Variants in KATNAL1 observed in about 807,000 individuals in gnomAD.
KATNAL1 encodes katanin catalytic subunit A1 like 1, also known as katanin p60 ATPase-containing subunit A-like 1.
KATNAL1 carries 32 observed loss-of-function variants against 55.2 expected under a neutral mutation model. The observed-to-expected ratio is 0.58, with a 90% CI of 0.44 to 0.78. The LOEUF (loss-of-function observed/expected upper bound fraction) is 0.78, where lower values mean the gene tolerates loss of function less well. KATNAL1 is among the 30% of genes least tolerant of loss of function. The pLI, the probability that KATNAL1 is intolerant of heterozygous loss-of-function variation, is 0.00. For synonymous variants in KATNAL1, 193 were observed against 193.6 expected, an observed-to-expected ratio of 1.00 and a Z score of 0.02; for missense variants, 466 against 600.9, an observed-to-expected ratio of 0.78 and a Z score of 2.35.
intron 8 of KATNAL1, among the ~76,000 whole-genome samples, chr13:30,228,238 T>C (rs1458001386): frequency 6.6e-6 from 1 of 152,070 alleles, no homozygotes; most frequent in Non-Finnish European, 1.5e-5. Context: ...AAATAAAAGA[T>C]AAAAAAACCC....
chr13:30,253,448 A>G (rs796973097), intron 4 of KATNAL1, among the ~76,000 whole-genome samples: 12 of 151,996 alleles, frequency 7.9e-5, no homozygotes, highest in African/African-American at 2.4e-4. Context: ...AATTTCCAGG[A>G]AAAAAAATGT....
chr13:30,290,935 G>T (rs927863241), intron 1 of KATNAL1, among the ~76,000 whole-genome samples: 1 of 152,096 alleles, frequency 6.6e-6, no homozygotes, highest in Non-Finnish European at 1.5e-5. Flanking sequence ...AGCAAACTAA[G>T]AATAAAAGGC....
intron 4 of KATNAL1, among the ~76,000 whole-genome samples, chr13:30,254,280 A>G (rs77506595): frequency 0.035 from 5,259 of 152,308 alleles, 102 homozygotes; most frequent in African/African-American, 0.051. Context: ...TTGATAATGG[A>G]GGGAACAAAT....
At chr13:30,256,718 A>C (rs1463937450) in intron 3 of KATNAL1, among the ~76,000 whole-genome samples, 1 of 152,244 alleles carries the variant, frequency 6.6e-6, no homozygotes, top group Non-Finnish European at 1.5e-5. Flanking sequence ...AGAAAAAAAA[A>C]TGTGTTAACA....
chr13:30,305,290 G>A (rs1883109311), intron 1 of KATNAL1, among the ~76,000 whole-genome samples: 1 of 152,134 alleles, frequency 6.6e-6, no homozygotes, highest in Admixed American at 6.5e-5. Context: ...ACTACCTAGC[G>A]TTTCCCAAAT....
intron 4 of KATNAL1, among the ~76,000 whole-genome samples, chr13:30,245,332 G>A (rs1200876603): frequency 2.6e-5 from 4 of 152,014 alleles, no homozygotes; most frequent in Non-Finnish European, 4.4e-5. Flanking sequence ...ATGCAGAAAA[G>A]GCCTTCGATA....
chr13:30,227,357 C>T (rs1875601308), intron 9 of KATNAL1, 55 bp downstream of exon 9: 1 of 1,543,490 alleles, frequency 6.5e-7, no homozygotes, highest in Non-Finnish European at 8.8e-7. Flanking sequence ...GATTTAGATA[C>T]ATGGGAAAGG....
intron 3 of KATNAL1, among the ~76,000 whole-genome samples, chr13:30,267,838 C>A (rs192848680): frequency 6.6e-6 from 1 of 152,240 alleles, no homozygotes; most frequent in Admixed American, 6.5e-5. Flanking sequence ...GTGTTTTGGG[C>A]CTCAGACATC....
chr13:30,208,490 C>A lies in KATNAL1; in HGVS notation c.*50G>T, dbSNP rs1392319746. On this transcript the variant is annotated 3_prime_UTR_variant, in exon 11 of 11. Coordinates refer to ENST00000380615, the MANE Select transcript of KATNAL1 (RefSeq NM_032116.5). ...TGTTTTTTAAAAATTGCAGGAATTT[C>A]TTCGTATTTTATCAACAAAAATACC... 2.1e-6 allele frequency: 3 copies of A among 1,398,734 alleles called. No individual in the cohort carries two copies. Among genetic ancestry groups the A allele is most frequent in the Admixed American group, 5.2e-5 (2 of 38,180 alleles). 86.6% of individuals were successfully genotyped at this position (1,398,734 alleles called of 1,614,324 possible).
chr13:30,255,806 G>A (rs1878735526), intron 3 of KATNAL1, among the ~76,000 whole-genome samples, 191 bp from the exon 4 acceptor site: 1 of 151,740 alleles, frequency 6.6e-6, no homozygotes, highest in Non-Finnish European at 1.5e-5. Flanking sequence ...AAAATATACT[G>A]GCTGATACAA....
chr13:30,274,898 C>CGCGCGTGT (rs1391836715), intron 3 of KATNAL1, among the ~76,000 whole-genome samples: 2 of 99,186 alleles, frequency 2.0e-5, no homozygotes, highest in African/African-American at 7.5e-5. Flanking sequence ...CATACGCGCG[C>CGCGCGTGT]GCGCGCGCGC....
chr13:30,271,505 G>C (rs912968214), intron 3 of KATNAL1, among the ~76,000 whole-genome samples: 8 of 152,104 alleles, frequency 5.3e-5, no homozygotes, highest in South Asian at 2.1e-4. Context: ...CAAGAGGTTG[G>C]GGGGTGCGGG....
chr13:30,299,067 G>T (rs1236312574), intron 1 of KATNAL1, among the ~76,000 whole-genome samples: 1 of 152,156 alleles, frequency 6.6e-6, no homozygotes, highest in African/African-American at 2.4e-5. Flanking sequence ...AAATTATATT[G>T]ACAGCTAACT....
chr13:30,259,531 G>C (rs569256344), intron 3 of KATNAL1, among the ~76,000 whole-genome samples: 1 of 152,328 alleles, frequency 6.6e-6, no homozygotes, highest in Non-Finnish European at 1.5e-5. Context: ...TGCACGAGCC[G>C]AAGCAGGGCA....
At chr13:30,265,117 G>T (rs866699608) in intron 3 of KATNAL1, among the ~76,000 whole-genome samples, 1 of 150,328 alleles carries the variant, frequency 6.7e-6, no homozygotes, top group African/African-American at 2.4e-5. Flanking sequence ...GTAAACTATC[G>T]CAAGAACAAA....
intron 9 of KATNAL1, among the ~76,000 whole-genome samples, chr13:30,227,113 A>ATACT (rs1875567603): frequency 6.6e-6 from 1 of 151,122 alleles, no homozygotes; most frequent in Non-Finnish European, 1.5e-5. Context: ...ACACACACAC[A>ATACT]CTCTCTCTCT....
At chr13:30,259,395 C>T (rs776667195) in intron 3 of KATNAL1, among the ~76,000 whole-genome samples, 16 of 152,084 alleles carry the variant, frequency 1.1e-4, no homozygotes, top group East Asian at 1.9e-4. Flanking sequence ...GGAACAGCTC[C>T]GGTCTACAGC....
intron 9 of KATNAL1, among the ~76,000 whole-genome samples, chr13:30,226,170 G>C (rs1290519940): frequency 6.6e-6 from 1 of 152,166 alleles, no homozygotes; most frequent in Admixed American, 6.5e-5. Context: ...CTCATTTATT[G>C]ATGATGGAAT....
intron 9 of KATNAL1, among the ~76,000 whole-genome samples, chr13:30,213,861 C>T (rs1341797497): frequency 1.3e-5 from 2 of 152,122 alleles, no homozygotes; most frequent in African/African-American, 4.8e-5. Context: ...TGAAAACGGG[C>T]ACAAGACAGG....
Sources: allele counts gnomAD v4.1 joint callset (sites outside exome capture counted in the v4.1 genomes callset), GRCh38; gene constraint gnomAD v4.1.1; transcripts MANE v1.5; gene names NCBI Gene and HGNC (gene_info 2026-07-23, HGNC 2026-07-21).